ARHGAP29: variants seen among roughly 807,000 people sequenced by gnomAD.
ARHGAP29 encodes Rho GTPase activating protein 29, also known as rho GTPase-activating protein 29.
ARHGAP29 carries 43 observed loss-of-function variants against 122.6 expected under a neutral mutation model. The observed-to-expected ratio is 0.35, with a 90% CI of 0.27 to 0.45. ARHGAP29 has a LOEUF of 0.45. Ranked by LOEUF, ARHGAP29 falls within the 20% of genes least tolerant of loss-of-function variation. The pLI is 1.00. For missense variants in ARHGAP29, 1,303 were observed against 1,477.2 expected (o/e 0.88, Z 1.93); for synonymous variants, 506 against 497.1 (o/e 1.02, Z -0.24).
Position 94,226,337 on chromosome 1 carries a change from T to C in ARHGAP29, c.205+5070A>G, listed in dbSNP as rs200315158. 7.9e-5 allele frequency among the ~76,000 whole-genome samples: 12 copies of C among 152,104 alleles called. 1 individual carries two copies. The East Asian group carries it at 2.3e-3, about 29-fold the overall frequency. ...AACAACTGACATTTGAAAATGCTTATTCTAAGAGCTTTACATATATAAACT... is the reference window on the plus strand; with the variant it reads ...AACAACTGACATTTGAAAATGCTTACTCTAAGAGCTTTACATATATAAACT... On this transcript the variant is annotated intron_variant, in intron 2 of 22. Coordinates refer to ENST00000260526, the MANE Select transcript of ARHGAP29 (RefSeq NM_004815.4).
rs766159314 is a variant in ARHGAP29, at chr1:94,208,943, T to C, written c.438-39A>G. The C allele has an allele frequency of 7.1e-6, 11 of 1,558,460 alleles. No individual in the cohort carries two copies. In the South Asian group the frequency reaches 1.0e-4, roughly 14 times the overall value. ...TTAAAAAAAGAAAGACAAGTCATTA[T>C]ACTTCTTTGTGACAGGGTTTACATT... On this transcript the variant is annotated intron_variant, in intron 4 of 22. Transcript: ENST00000260526.
upstream of ARHGAP29, among the ~76,000 whole-genome samples, chr1:94,276,181 C>A (rs1655181139): frequency 1.3e-5 from 2 of 151,860 alleles, 1 homozygote. Flanking sequence ...TCATTTGAAC[C>A]TGGGAGGCAG....
At chr1:94,200,394 C>T (rs1217379130) in intron 12 of ARHGAP29, among the ~76,000 whole-genome samples, 1 of 152,140 alleles carries the variant, frequency 6.6e-6, no homozygotes, top group Non-Finnish European at 1.5e-5. Flanking sequence ...AAAACAACGA[C>T]TGATACATGT....
chr1:94,288,880 A>G, the ARHGAP29 span, among the ~76,000 whole-genome samples: 1 of 152,204 alleles, frequency 6.6e-6, no homozygotes, highest in African/African-American at 2.4e-5. Flanking sequence ...TACCAGTACC[A>G]TGCTGTTTTG....
intron 12 of ARHGAP29, chr1:94,195,582 G>T (rs1277095184): frequency 6.6e-6 from 1 of 151,786 alleles, no homozygotes; most frequent in Non-Finnish European, 1.5e-5. Flanking sequence ...GGCAGCAAAA[G>T]GGAAATAGAT....
chr1:94,185,390 A>G lies in ARHGAP29; in HGVS notation c.1872T>C (p.Cys624=), dbSNP rs760958472. ...KFRKLRSPTK[C]RDCEGIVVFQ... is the part of the protein sequence containing the mutation. ...ACACTACAATGCCTTCACAATCCCT[A>G]CATTTCGTGGGGGATCTCAATTTGC... The change falls in exon 17 of 23, where the codon TGT becomes TGC. Residue 624 remains cysteine, a synonymous_variant. Coordinates refer to ENST00000260526, the MANE Select transcript of ARHGAP29 (RefSeq NM_004815.4). The G allele has an allele frequency of 3.1e-6, 5 of 1,612,028 alleles. No homozygotes were observed. Among genetic ancestry groups the G allele is most frequent in the Admixed American group, 3.4e-5 (2 of 59,598 alleles).
Position 94,185,475 on chromosome 1 carries a change from T to A in ARHGAP29, c.1787A>T (p.Asn596Ile). 6.2e-7 allele frequency: 1 copy of A among 1,603,164 alleles called. No homozygotes were observed. Among genetic ancestry groups the A allele is most frequent in the Non-Finnish European group, 8.5e-7 (1 of 1,176,160 alleles). Residue 596 changes from asparagine to isoleucine, a missense_variant, in exon 17 of 23, where the codon AAT becomes ATT. By Grantham distance (149) the Asn-to-Ile change is moderately radical. This residue lies in a region of ARHGAP29 where 91 missense variants were observed against 177.8 expected (regional missense o/e 0.51). Coordinates refer to ENST00000260526, the MANE Select transcript of ARHGAP29 (RefSeq NM_004815.4). ...TGTTTTCTTAAATGTTCCAAGGGAA[T>A]TGGGTCCTTGCAAGAGAAATAATTT... is the stretch of plus-strand genomic sequence containing the variant. ...EPPSPSETGPNSLGTFKKTLM... is the reference protein window; with the variant it reads ...EPPSPSETGPISLGTFKKTLM...
chr1:94,298,104 C>T, the ARHGAP29 span, among the ~76,000 whole-genome samples: 1 of 152,158 alleles, frequency 6.6e-6, no homozygotes. Flanking sequence ...AATATTGATA[C>T]TCTAAATACT....
chr1:94,250,944 A>G (rs1440055362), intron 1 of ARHGAP29, among the ~76,000 whole-genome samples: 2 of 152,168 alleles, frequency 1.3e-5, no homozygotes, highest in African/African-American at 4.8e-5. Flanking sequence ...CTAATAATTA[A>G]TGATCAGTGC....
intron 1 of ARHGAP29, among the ~76,000 whole-genome samples, chr1:94,245,286 C>T (rs1653746960): frequency 6.6e-6 from 1 of 152,158 alleles, no homozygotes; most frequent in African/African-American, 2.4e-5. Context: ...AACTTGTATA[C>T]AAATGCATAG....
intron 2 of ARHGAP29, among the ~76,000 whole-genome samples, chr1:94,225,074 ACTT>A (rs900603003): frequency 7.9e-5 from 12 of 152,302 alleles, no homozygotes; most frequent in Admixed American, 2.6e-4. Context: ...AGAAGGGTAA[ACTT>A]CTAGGTCATG....
chr1:94,174,569 C>A lies in ARHGAP29; in HGVS notation c.3086G>T (p.Ser1029Ile). ...SLPVDRLLLA[S>I]PPNERNGRNM... Reference sequence around the variant, plus strand: ...TCTGCCATTTCTCTCATTAGGAGGACTTGCAAGAAGTAGTCTATCTACAGG... The same window carrying A: ...TCTGCCATTTCTCTCATTAGGAGGAATTGCAAGAAGTAGTCTATCTACAGG... Residue 1029 changes from serine to isoleucine, a missense_variant, in exon 23 of 23, where the codon AGT becomes ATT. Coordinates refer to ENST00000260526, the MANE Select transcript of ARHGAP29 (RefSeq NM_004815.4). The A allele has an allele frequency of 6.2e-7, 1 of 1,614,154 alleles. No individual in the cohort carries two copies. Among genetic ancestry groups the A allele is most frequent in the Non-Finnish European group, 8.5e-7 (1 of 1,180,026 alleles).
chr1:94,244,367 A>G (rs1258678623), intron 1 of ARHGAP29, among the ~76,000 whole-genome samples: 7 of 152,174 alleles, frequency 4.6e-5, no homozygotes, highest in East Asian at 3.9e-4. Flanking sequence ...ATTCACTAGA[A>G]AAAAACCATG....
the ARHGAP29 span, chr1:94,301,985 A>G: frequency 5.9e-6 from 1 of 168,710 alleles, no homozygotes; most frequent in South Asian, 1.5e-4. Context: ...AGCTCCTCCC[A>G]TCAACAGATG....
Position 94,177,922 on chromosome 1 carries a change from T to G in ARHGAP29, c.2726A>C (p.Lys909Thr), listed in dbSNP as rs745647205. 35 of 1,614,144 alleles carry G rather than the reference T, an allele frequency of 2.2e-5. 2 individuals are homozygous for G. In the South Asian group the frequency reaches 3.8e-4, roughly 18 times the overall value. ...IGVVDQGCFP[K>T]PLLSPEERDI... Reference sequence around the variant, plus strand: ...TCTTTCTTCTGGTGATAACAGAGGCTTTGGAAAACAGCCTTGATCAACAAC... The same window carrying G: ...TCTTTCTTCTGGTGATAACAGAGGCGTTGGAAAACAGCCTTGATCAACAAC... Residue 909 changes from lysine to threonine, a missense_variant, in exon 21 of 23, where the codon AAG becomes ACG. Around this residue, in one of 3 missense-constraint regions of ARHGAP29, gnomAD observed 620 missense variants for 651.2 expected, o/e 0.95. Coordinates refer to ENST00000260526, the MANE Select transcript of ARHGAP29 (RefSeq NM_004815.4).
chr1:94,264,652 G>C (rs899558499), intron 1 of ARHGAP29, among the ~76,000 whole-genome samples: 24 of 151,800 alleles, frequency 1.6e-4, no homozygotes, highest in African/African-American at 5.8e-4. Context: ...TATTACCTGG[G>C]GCTCAGTCAC....
rs536939327 is a variant in ARHGAP29, at chr1:94,194,625, C to G, written c.1282-4542G>C. ...GATAGAAGGGGAAGGGTCATGAGGGCTCCACCTAGTCACCTCCCAAAAGCC... is the reference window on the plus strand; with the variant it reads ...GATAGAAGGGGAAGGGTCATGAGGGGTCCACCTAGTCACCTCCCAAAAGCC... On this transcript the variant is annotated intron_variant, in intron 12 of 22. Coordinates refer to ENST00000260526, the MANE Select transcript of ARHGAP29 (RefSeq NM_004815.4). 5.9e-5 allele frequency: 9 copies of G among 152,340 alleles called. No homozygotes were observed. The South Asian group carries it at 1.7e-3, about 28-fold the overall frequency. The allele number at this position is 152,340 out of a possible 1,614,324, so 9.4% of individuals were successfully genotyped here.
the ARHGAP29 span, among the ~76,000 whole-genome samples, chr1:94,311,044 G>A: frequency 6.6e-6 from 1 of 152,256 alleles, no homozygotes; most frequent in Admixed American, 6.5e-5. Context: ...ACCAGATGGG[G>A]ACACCTTCCT....
At chr1:94,202,213 T>G (rs764578300) in intron 11 of ARHGAP29, 4 of 502,314 alleles carry the variant, frequency 8.0e-6, no homozygotes, top group Non-Finnish European at 1.4e-5. Context: ...CCTGAATTAG[T>G]ACACATACAC....
Sources: gnomAD v4.1 joint callset for allele counts (sites outside exome capture counted in the v4.1 genomes callset) on GRCh38, gnomAD v4.1.1 for gene constraint, gnomAD v4.1.1 regional missense constraint, MANE v1.5 for transcripts, NCBI Gene and HGNC (gene_info 2026-07-23, HGNC 2026-07-21) for gene names.